KCNIP4: variants seen among roughly 807,000 people sequenced by gnomAD.
KCNIP4 encodes the protein potassium voltage-gated channel interacting protein 4.
Under a neutral mutation model 34.0 loss-of-function variants are expected in KCNIP4, and 12 were observed. The ratio of observed to expected loss-of-function variants is 0.35; its 90% CI spans 0.23 to 0.57. The LOEUF (loss-of-function observed/expected upper bound fraction) is 0.57. KCNIP4 is among the 20% of genes least tolerant of loss of function. The pLI, the probability that KCNIP4 is intolerant of heterozygous loss-of-function variation, is 0.83. For missense variants in KCNIP4, 238 were observed against 311.7 expected, an observed-to-expected ratio of 0.76 and a Z score of 1.78; for synonymous variants, 124 against 102.2, an observed-to-expected ratio of 1.21 and a Z score of -1.29.
intron 1 of KCNIP4, among the ~76,000 whole-genome samples, chr4:21,929,927 A>G (rs1729469558): frequency 6.6e-6 from 1 of 152,040 alleles, no homozygotes; most frequent in African/African-American, 2.4e-5. Flanking sequence ...TACATGTTCC[A>G]TCTCTGATTC....
Position 21,885,682 on chromosome 4 carries a change from C to A in KCNIP4, c.61+62889G>T, listed in dbSNP as rs143077802. Among the ~76,000 whole-genome samples the A allele has an allele frequency of 2.6e-5, 4 of 152,178 alleles. No individual in the cohort carries two copies. The East Asian group carries it at 7.7e-4, about 29-fold the overall frequency. On this transcript the variant is annotated intron_variant, in intron 1 of 8. Coordinates refer to ENST00000382152, the MANE Select transcript of KCNIP4 (RefSeq NM_025221.6). ...CTTTAAATTTCAAAGGAAATTTGAA[C>A]GTGTTTTGCTTTAAATGTCAGGACT...
chr4:21,696,561 T>C (rs1167145699), intron 1 of KCNIP4, among the ~76,000 whole-genome samples: 1 of 152,188 alleles, frequency 6.6e-6, no homozygotes, highest in Non-Finnish European at 1.5e-5. Flanking sequence ...AGAAGTTTGA[T>C]GATCTGTTAA....
chr4:20,829,355 C>T (rs935192085), intron 3 of KCNIP4, among the ~76,000 whole-genome samples: 3 of 152,046 alleles, frequency 2.0e-5, no homozygotes, highest in African/African-American at 7.2e-5. Context: ...CTATAGGCGC[C>T]TGCCACCATG....
intron 1 of KCNIP4, among the ~76,000 whole-genome samples, chr4:21,520,630 C>G (rs1735441530): frequency 6.6e-6 from 1 of 152,054 alleles, no homozygotes; most frequent in Non-Finnish European, 1.5e-5. Context: ...GTGTGTAGCC[C>G]TGAGTAAGCA....
intron 1 of KCNIP4, among the ~76,000 whole-genome samples, chr4:21,355,255 A>G (rs1263989047): frequency 1.3e-5 from 2 of 152,168 alleles, no homozygotes; most frequent in Non-Finnish European, 1.5e-5. Context: ...GAGAAGCAAG[A>G]GCAAACAAAT....
chr4:21,504,465 C>CAAAAAAAAAAAAAAAAAAAAAAA (rs376644707), intron 1 of KCNIP4, among the ~76,000 whole-genome samples: 11 of 56,298 alleles, frequency 2.0e-4, no homozygotes, highest in Admixed American at 3.9e-4. Flanking sequence ...GACTCCAACT[C>CAAAAAAAAAAAAAAAAAAAAAAA]AAAAAAAAAA....
intron 1 of KCNIP4, among the ~76,000 whole-genome samples, chr4:21,904,126 T>C (rs915213594): frequency 6.6e-6 from 1 of 152,178 alleles, no homozygotes; most frequent in African/African-American, 2.4e-5. Flanking sequence ...ATGAATATTC[T>C]TTGTTATAAT....
chr4:20,816,253 CAAAA>C (rs534519786), intron 3 of KCNIP4, among the ~76,000 whole-genome samples: 1 of 84,630 alleles, frequency 1.2e-5, no homozygotes, highest in Non-Finnish European at 2.5e-5. Context: ...GACTCCATCT[CAAAA>C]AAAAAAAAAA....
In KCNIP4 at chr4:21,554,069, T is replaced by C. The variant is rs575796896; in HGVS notation, c.61+394502A>G. 6.6e-5 allele frequency among the ~76,000 whole-genome samples: 10 copies of C among 152,102 alleles called. No homozygotes were observed. In the South Asian group the frequency reaches 2.1e-3, roughly 32 times the overall value. ...CCAAGTAGTGATAAATGCTCTAAAG[T>C]AAAAATAAAGCCATATAAGGGGATA... On this transcript the variant is annotated intron_variant, in intron 1 of 8. Coordinates refer to ENST00000382152, the MANE Select transcript of KCNIP4 (RefSeq NM_025221.6).
chr4:20,973,058 A>G (rs1467444878), intron 1 of KCNIP4, among the ~76,000 whole-genome samples: 1 of 152,166 alleles, frequency 6.6e-6, no homozygotes, highest in Non-Finnish European at 1.5e-5. Flanking sequence ...ACTTAAAATC[A>G]TCAGCTGCAT....
chr4:21,721,082 T>C (rs1714795114), intron 1 of KCNIP4, among the ~76,000 whole-genome samples: 1 of 152,156 alleles, frequency 6.6e-6, no homozygotes, highest in East Asian at 1.9e-4. Context: ...AGATTCCTTG[T>C]TCTTTAACAC....
chr4:21,069,847 C>A (rs1392813826), intron 1 of KCNIP4, among the ~76,000 whole-genome samples: 1 of 152,164 alleles, frequency 6.6e-6, no homozygotes, highest in East Asian at 1.9e-4. Context: ...CAAAACACGA[C>A]TTTGACGTTG....
chr4:21,295,914 G>C (rs1266538787), intron 1 of KCNIP4, among the ~76,000 whole-genome samples: 2 of 133,004 alleles, frequency 1.5e-5, no homozygotes, highest in East Asian at 4.4e-4. Flanking sequence ...GGCACATGCA[G>C]TTAGTGAATG....
chr4:20,928,256 G>A (rs200331836), intron 1 of KCNIP4, among the ~76,000 whole-genome samples: 1 of 97,642 alleles, frequency 1.0e-5, no homozygotes, highest in Non-Finnish European at 2.2e-5. Context: ...TTTTTTTTTT[G>A]TATTTTATTC....
Position 21,256,686 on chromosome 4 carries a change from C to A in KCNIP4, c.62-373977G>T, listed in dbSNP as rs540085143. 3.3e-5 allele frequency among the ~76,000 whole-genome samples: 5 copies of A among 152,140 alleles called. No individual in the cohort carries two copies. In the East Asian group the frequency reaches 7.7e-4, roughly 24 times the overall value. On this transcript the variant is annotated intron_variant, in intron 1 of 8. Coordinates refer to ENST00000382152, the MANE Select transcript of KCNIP4 (RefSeq NM_025221.6). ...AAGGAGTCTAGATTTAATTTTAATG[C>A]GAAGGAAAGCCACTGGGAGGTTTTA...
chr4:21,702,440 C>G (rs1184300968), intron 1 of KCNIP4, among the ~76,000 whole-genome samples: 1 of 152,108 alleles, frequency 6.6e-6, no homozygotes, highest in Non-Finnish European at 1.5e-5. Context: ...AACAAATATT[C>G]ATTCCGTAAG....
chr4:21,500,710 A>G (rs528304648), intron 1 of KCNIP4, among the ~76,000 whole-genome samples: 6 of 152,164 alleles, frequency 3.9e-5, no homozygotes, highest in Non-Finnish European at 7.4e-5. Flanking sequence ...CATAAATTCT[A>G]TGTAAAACAC....
intron 1 of KCNIP4, among the ~76,000 whole-genome samples, chr4:21,586,437 G>C (rs112894402): frequency 5.9e-5 from 9 of 152,120 alleles, no homozygotes; most frequent in African/African-American, 2.2e-4. Context: ...GCCTCCCCCA[G>C]TGTCTCCCTT....
At chr4:21,906,440 T>C (rs1357974806) in intron 1 of KCNIP4, among the ~76,000 whole-genome samples, 1 of 152,100 alleles carries the variant, frequency 6.6e-6, no homozygotes, top group African/African-American at 2.4e-5. Flanking sequence ...TGTCAAGACA[T>C]GTTGGCAGCC....
Sources: gnomAD v4.1 joint callset for allele counts (sites outside exome capture counted in the v4.1 genomes callset) on GRCh38, gnomAD v4.1.1 for gene constraint, MANE v1.5 for transcripts, NCBI Gene and HGNC (gene_info 2026-07-23, HGNC 2026-07-21) for gene names.